The following SYT14 variants were observed in gnomAD, a reference collection of about 807,000 sequenced individuals.
SYT14 encodes synaptotagmin-14.
In SYT14, 32 loss-of-function variants were observed where a neutral mutation model predicts 74.2. The observed-to-expected ratio is 0.43, with a 90% confidence interval of 0.33 to 0.58. The LOEUF (loss-of-function observed/expected upper bound fraction) is 0.58. Ranked by LOEUF, SYT14 falls within the 20% of genes least tolerant of loss-of-function variation. SYT14 has a pLI of 0.05. For missense variants in SYT14, 791 were observed against 981.8 expected, an observed-to-expected ratio of 0.81 and a Z score of 2.60; for synonymous variants, 298 against 337.7, an observed-to-expected ratio of 0.88 and a Z score of 1.29.
intron 5 of SYT14, among the ~76,000 whole-genome samples, chr1:210,046,422 A>ATT (rs61053874): frequency 1.3e-5 from 2 of 150,754 alleles, no homozygotes; most frequent in African/African-American, 4.9e-5. Context: ...CAAGTCAATG[A>ATT]TTTTTTTTTT....
chr1:210,016,043 G>A, exon 4 of SYT14: 1 of 1,232,086 alleles, frequency 8.1e-7, no homozygotes, highest in Non-Finnish European at 1.0e-6. Flanking sequence ...TCTGCCTTCA[G>A]TGTCCTCTCT....
At chr1:209,949,696 A>C (rs1429193987) in intron 1 of SYT14, among the ~76,000 whole-genome samples, 2 of 152,062 alleles carry the variant, frequency 1.3e-5, no homozygotes, top group African/African-American at 4.8e-5. Flanking sequence ...ATTGTCTGGA[A>C]TGTATCCTTA....
intron 5 of SYT14, among the ~76,000 whole-genome samples, chr1:210,029,454 G>T (rs551467664): frequency 6.6e-6 from 1 of 151,910 alleles, no homozygotes; most frequent in Non-Finnish European, 1.5e-5. Flanking sequence ...TACGATATTC[G>T]GCAAGGGTTC....
At chr1:210,132,566 A>C (rs1035880316) in intron 7 of SYT14, among the ~76,000 whole-genome samples, 1 of 73,530 alleles carries the variant, frequency 1.4e-5, no homozygotes, top group African/African-American at 4.3e-5. Context: ...GATTTTATAT[A>C]TTGTGTGTGT....
At chr1:210,010,056 C>T (rs2080058139) in intron 2 of SYT14, among the ~76,000 whole-genome samples, 1 of 152,124 alleles carries the variant, frequency 6.6e-6, no homozygotes, top group African/African-American at 2.4e-5. Context: ...TTCTCTGTTA[C>T]CACTGCTACT....
At chr1:210,100,701 G>GC (rs1365417497) in intron 7 of SYT14, among the ~76,000 whole-genome samples, 1 of 151,950 alleles carries the variant, frequency 6.6e-6, no homozygotes, top group Non-Finnish European at 1.5e-5. Flanking sequence ...CAGAGTTTTG[G>GC]CCCAGGGTTT....
chr1:209,954,181 A>G (rs1485498232), intron 2 of SYT14, among the ~76,000 whole-genome samples: 3 of 152,246 alleles, frequency 2.0e-5, no homozygotes, highest in Non-Finnish European at 4.4e-5. Context: ...GAGTAGAGAC[A>G]GCTAGAAGCA....
intron 7 of SYT14, among the ~76,000 whole-genome samples, chr1:210,135,380 T>G (rs1261812799): frequency 6.6e-6 from 1 of 152,204 alleles, no homozygotes; most frequent in Non-Finnish European, 1.5e-5. Flanking sequence ...ATGTTGGTAA[T>G]CCAGTCCAGT....
chr1:210,081,798 A>G (rs527243749), intron 5 of SYT14, among the ~76,000 whole-genome samples: 2 of 152,342 alleles, frequency 1.3e-5, no homozygotes, highest in Admixed American at 6.5e-5. Context: ...AACAGAATAA[A>G]CAATATCATA....
intron 7 of SYT14, among the ~76,000 whole-genome samples, chr1:210,138,201 G>C (rs777320117): frequency 4.6e-5 from 7 of 152,182 alleles, no homozygotes; most frequent in African/African-American, 7.2e-5. Flanking sequence ...TCACAACCAT[G>C]GTGGAGGCAA....
intron 2 of SYT14, chr1:209,953,091 C>G: frequency 4.6e-6 from 6 of 1,317,554 alleles, no homozygotes; most frequent in Non-Finnish European, 5.9e-6. Flanking sequence ...CTCCCATTGA[C>G]TTCTGTTCTA....
intron 7 of SYT14, among the ~76,000 whole-genome samples, chr1:210,129,520 G>C (rs1324156098): frequency 6.6e-6 from 1 of 152,138 alleles, no homozygotes; most frequent in African/African-American, 2.4e-5. Context: ...TAAGTTCATG[G>C]TACCACCACT....
chr1:209,953,498 C>A (rs536897732), intron 2 of SYT14, among the ~76,000 whole-genome samples: 1 of 152,250 alleles, frequency 6.6e-6, no homozygotes, highest in African/African-American at 2.4e-5. Context: ...CTCACTTGCC[C>A]CTCCTGAGTC....
Position 210,014,647 on chromosome 1 carries a change from A to G in SYT14, c.-321+850A>G, listed in dbSNP as rs111424995. ...TTAAAAGGCGATAGCCCCATTACTTATAAGACTCTATTAGTTATTGAATTA... is the reference window on the plus strand; with the variant it reads ...TTAAAAGGCGATAGCCCCATTACTTGTAAGACTCTATTAGTTATTGAATTA... On this transcript the variant is annotated intron_variant, in intron 3 of 9. Coordinates refer to ENST00000637265, the Ensembl canonical transcript of SYT14. Among the ~76,000 whole-genome samples the G allele has an allele frequency of 2.7e-3, 415 of 152,258 alleles. 1 individual carries two copies. Among genetic ancestry groups the G allele is most frequent in the Non-Finnish European group, 4.6e-3 (313 of 67,970 alleles).
At chr1:210,128,126 A>G (rs2082605123) in intron 7 of SYT14, among the ~76,000 whole-genome samples, 1 of 152,104 alleles carries the variant, frequency 6.6e-6, no homozygotes, top group Non-Finnish European at 1.5e-5. Flanking sequence ...TAATCCCAGC[A>G]CTTTGGAAGG....
intron 7 of SYT14, among the ~76,000 whole-genome samples, chr1:210,132,758 T>A (rs946680242): frequency 6.6e-6 from 1 of 152,140 alleles, no homozygotes; most frequent in Non-Finnish European, 1.5e-5. Flanking sequence ...CTTCTGAGAT[T>A]AAAGACAGAG....
chr1:210,003,196 G>A (rs1195312294), intron 2 of SYT14, among the ~76,000 whole-genome samples: 1 of 152,240 alleles, frequency 6.6e-6, no homozygotes, highest in Middle Eastern at 3.4e-3. Context: ...CCACTGCTCT[G>A]CAGCCAACTT....
intron 5 of SYT14, among the ~76,000 whole-genome samples, chr1:210,037,737 T>C (rs897310688): frequency 3.3e-5 from 5 of 152,048 alleles, no homozygotes; most frequent in African/African-American, 1.2e-4. Flanking sequence ...CATATATTTG[T>C]ATAGTTTTGA....
intron 7 of SYT14, among the ~76,000 whole-genome samples, chr1:210,141,289 G>A (rs2082909731): frequency 6.6e-6 from 1 of 151,988 alleles, no homozygotes; most frequent in Non-Finnish European, 1.5e-5. Context: ...TTCATATTGA[G>A]GCTATTGTGA....
Sources: gnomAD v4.1 joint callset for allele counts (sites outside exome capture counted in the v4.1 genomes callset) on GRCh38, gnomAD v4.1.1 for gene constraint, MANE v1.5 for transcripts, NCBI Gene and HGNC (gene_info 2026-07-23, HGNC 2026-07-21) for gene names.